Variants in DGLUCY observed in about 807,000 individuals in gnomAD.
The protein encoded by DGLUCY is D-glutamate cyclase, mitochondrial.
A neutral mutation model predicts 58.5 loss-of-function variants in DGLUCY; 58 were observed. The observed-to-expected ratio is 0.99, with a 90% CI of 0.80 to 1.23. The LOEUF (loss-of-function observed/expected upper bound fraction) is 1.23, where lower values mean the gene tolerates loss of function less well. DGLUCY is among the 50% of genes most tolerant of loss of function. The pLI is 0.00. For synonymous variants in DGLUCY, 325 were observed against 314.1 expected, an observed-to-expected ratio of 1.03 and a Z score of -0.37; for missense variants, 779 against 784.7, an observed-to-expected ratio of 0.99 and a Z score of 0.09.
intron 1 of DGLUCY, among the ~76,000 whole-genome samples, chr14:91,115,899 A>G (rs1470179934): frequency 1.3e-5 from 2 of 152,194 alleles, no homozygotes; most frequent in African/African-American, 4.8e-5. Context: ...CTGGTTTGCC[A>G]AAGTCCCCAC....
rs1469712817 is a variant in DGLUCY, at chr14:91,061,622, AAG to A, written c.-82+924_-82+925del. ...GAGATAACCAACGTAAAGGATGGAT[AAG>A]AGAGAAATACCAGCAATAGACATTC... On this transcript the variant is annotated intron_variant, in intron 1 of 4. Transcript: ENST00000521334. Among the ~76,000 whole-genome samples, 3 of 152,352 alleles carry A rather than the reference AAG, an allele frequency of 2.0e-5. No homozygotes were observed. The South Asian group carries it at 6.2e-4, about 32-fold the overall frequency.
chr14:91,119,238 G>C (rs1956426), intron 1 of DGLUCY, among the ~76,000 whole-genome samples: 126,275 of 152,134 alleles, frequency 0.83, 52,799 homozygotes, highest in East Asian at 1. Context: ...ATAGTCAAAA[G>C]TGACTCAACA....
intron 13 of DGLUCY, among the ~76,000 whole-genome samples, chr14:91,217,792 TTCTG>T (rs1886810210): frequency 6.6e-6 from 1 of 151,858 alleles, no homozygotes; most frequent in African/African-American, 2.4e-5. Context: ...CCGGCCTCTT[TTCTG>T]TCTTTCTTTC....
At chr14:91,174,822 G>A (rs1027184561) in intron 6 of DGLUCY, among the ~76,000 whole-genome samples, 32 of 152,164 alleles carry the variant, frequency 2.1e-4, no homozygotes, top group African/African-American at 7.5e-4. Flanking sequence ...CCCTCAACCC[G>A]TGGGTTCTGA....
At chr14:91,120,567 G>A (rs776125876) in intron 1 of DGLUCY, among the ~76,000 whole-genome samples, 13 of 151,596 alleles carry the variant, frequency 8.6e-5, no homozygotes, top group Non-Finnish European at 1.0e-4. Context: ...ACCCACCACC[G>A]CGCCTGGCTA....
intron 4 of DGLUCY, among the ~76,000 whole-genome samples, chr14:91,168,296 C>A (rs2048390017): frequency 1.4e-5 from 2 of 144,316 alleles, no homozygotes; most frequent in South Asian, 4.5e-4. Flanking sequence ...AAATAAAATT[C>A]TTCAGCATCT....
At chr14:91,061,213 C>T (rs779481933) in intron 1 of DGLUCY, among the ~76,000 whole-genome samples, 3 of 152,170 alleles carry the variant, frequency 2.0e-5, no homozygotes, top group Non-Finnish European at 2.9e-5. Context: ...ACGGCGTGCC[C>T]TAAAAAGGTC....
chr14:91,117,662 T>TACAC (rs1026832294), intron 1 of DGLUCY, among the ~76,000 whole-genome samples: 50 of 74,346 alleles, frequency 6.7e-4, no homozygotes, highest in Admixed American at 1.6e-3. Context: ...CACACACACA[T>TACAC]ACACACACAC....
At chr14:91,215,640 G>T in intron 13 of DGLUCY, 84 bp downstream of exon 13, 1 of 1,605,160 alleles carries the variant, frequency 6.2e-7, no homozygotes, top group South Asian at 1.1e-5. Flanking sequence ...GCCGTAAGCC[G>T]AGGGCTGGCA....
chr14:91,190,343 C>G (rs943890553), intron 9 of DGLUCY, among the ~76,000 whole-genome samples: 1 of 152,136 alleles, frequency 6.6e-6, no homozygotes, highest in Non-Finnish European at 1.5e-5. Context: ...CCTGCCCCCA[C>G]GGAGAGTATC....
rs79716267 is a variant in DGLUCY at position 91,080,821 on chromosome 14, G to A, written c.-82+20117G>A. On this transcript the variant is annotated intron_variant, in intron 1 of 4. Transcript: ENST00000521334. Reference sequence around the variant, plus strand: ...TTAGGAAAATCTTCAACAAATATGAGTGCCTTTTGTGTGCATTGTGCAACA... The same window carrying A: ...TTAGGAAAATCTTCAACAAATATGAATGCCTTTTGTGTGCATTGTGCAACA... 6.7e-3 allele frequency among the ~76,000 whole-genome samples: 1,016 copies of A among 152,248 alleles called. 3 individuals carry two copies. Among genetic ancestry groups the A allele is most frequent in the Non-Finnish European group, 0.011 (715 of 68,020 alleles).
intron 1 of DGLUCY, among the ~76,000 whole-genome samples, chr14:91,102,798 T>A (rs938904960): frequency 5.6e-5 from 8 of 143,140 alleles, no homozygotes; most frequent in Non-Finnish European, 1.1e-4. Context: ...TGAGACTGAG[T>A]CTCGCTCTAT....
intron 4 of DGLUCY, among the ~76,000 whole-genome samples, chr14:91,169,407 CTTTT>C (rs869086228): frequency 7.1e-6 from 1 of 140,558 alleles, no homozygotes; most frequent in South Asian, 2.3e-4. Flanking sequence ...TCTTCTTCTT[CTTTT>C]TTTTTTTTTT....
At chr14:91,222,976 T>A (rs947073625) in intron 13 of DGLUCY, among the ~76,000 whole-genome samples, 2 of 152,202 alleles carry the variant, frequency 1.3e-5, no homozygotes, top group Admixed American at 1.3e-4. Context: ...TTTCTCTTTT[T>A]CTTATAAGAG....
rs533007056 is a variant in DGLUCY at position 91,211,585 on chromosome 14, A to G, written c.1565-3820A>G. 3.9e-5 allele frequency among the ~76,000 whole-genome samples: 6 copies of G among 152,370 alleles called. No homozygotes were observed. In the East Asian group the frequency reaches 1.2e-3, roughly 29 times the overall value. ...AAAGGCAATGCAATGGAGCAAAGGT[A>G]GTCTTTTCAACAAATGGTGCTGGAA... is the stretch of plus-strand genomic sequence containing the variant. On this transcript the variant is annotated intron_variant, in intron 12 of 13. Transcript: ENST00000256324.
chr14:91,149,258 AAAAG>A (rs1415457078), intron 1 of DGLUCY, among the ~76,000 whole-genome samples: 2 of 151,584 alleles, frequency 1.3e-5, no homozygotes, highest in South Asian at 2.1e-4. Flanking sequence ...AAAAAAAAAA[AAAAG>A]AAAAGAAAAG....
intron 1 of DGLUCY, among the ~76,000 whole-genome samples, chr14:91,067,176 C>A (rs1046883695): frequency 6.6e-6 from 1 of 150,482 alleles, no homozygotes; most frequent in African/African-American, 2.4e-5. Context: ...TAGAGAAAAG[C>A]TAAAGACTAC....
At chr14:91,210,567 T>G (rs576843686) in intron 12 of DGLUCY, among the ~76,000 whole-genome samples, 1 of 151,926 alleles carries the variant, frequency 6.6e-6, no homozygotes, top group Non-Finnish European at 1.5e-5. Flanking sequence ...TAATAAAAAA[T>G]AAAAATCAAG....
At chr14:91,076,239 C>A (rs150551106) in intron 1 of DGLUCY, among the ~76,000 whole-genome samples, 1 of 152,238 alleles carries the variant, frequency 6.6e-6, no homozygotes, top group African/African-American at 2.4e-5. Context: ...CCAGGATCCC[C>A]AAGGATACTA....
Sources: gnomAD v4.1 joint callset for allele counts (sites outside exome capture counted in the v4.1 genomes callset) on GRCh38, gnomAD v4.1.1 for gene constraint, MANE v1.5 for transcripts, NCBI Gene and HGNC (gene_info 2026-07-23, HGNC 2026-07-21) for gene names.